The following EDNRB variants were observed in gnomAD, a reference collection of about 807,000 sequenced individuals.
The protein encoded by EDNRB is endothelin receptor type B.
EDNRB carries 18 observed loss-of-function variants against 46.4 expected under a neutral mutation model. The ratio of observed to expected loss-of-function variants is 0.39; its 90% CI spans 0.27 to 0.57. EDNRB has a LOEUF of 0.57. Among genes scored for constraint, EDNRB ranks in the 20% least tolerant of loss-of-function variants. EDNRB has a pLI of 0.61. For missense variants in EDNRB, 434 were observed against 537.5 expected, an observed-to-expected ratio of 0.81 and a Z score of 1.90; for synonymous variants, 213 against 204.9, an observed-to-expected ratio of 1.04 and a Z score of -0.34.
At chr13:77,970,867 G>A (rs1881708906) in intron 1 of EDNRB, among the ~76,000 whole-genome samples, 2 of 152,116 alleles carry the variant, frequency 1.3e-5, no homozygotes, top group African/African-American at 2.4e-5. Flanking sequence ...TATACACTGG[G>A]AACAGCCCTC....
chr13:77,941,627 G>C (rs944494140), intron 1 of EDNRB, among the ~76,000 whole-genome samples: 7 of 152,218 alleles, frequency 4.6e-5, no homozygotes, highest in Admixed American at 3.3e-4. Flanking sequence ...AAATGAGGGG[G>C]CACAGGCCAT....
intron 1 of EDNRB, among the ~76,000 whole-genome samples, chr13:77,908,195 G>A (rs780378939): frequency 2.6e-5 from 4 of 151,634 alleles, no homozygotes; most frequent in Non-Finnish European, 4.4e-5. Context: ...TGGCTTTGGC[G>A]AGACTCTAAA....
At chr13:77,933,735 T>C (rs1200496987) in intron 1 of EDNRB, among the ~76,000 whole-genome samples, 2 of 152,152 alleles carry the variant, frequency 1.3e-5, no homozygotes, top group East Asian at 1.9e-4. Flanking sequence ...ATGGGCGATG[T>C]TTCTCAGGGC....
intron 1 of EDNRB, among the ~76,000 whole-genome samples, chr13:77,904,199 T>G (rs1879154849): frequency 6.6e-6 from 1 of 151,936 alleles, no homozygotes; most frequent in African/African-American, 2.4e-5. Flanking sequence ...CCTAGAAGGC[T>G]CTTTCCCCAC....
At chr13:77,956,729 T>C (rs866730540) in intron 1 of EDNRB, among the ~76,000 whole-genome samples, 7 of 152,352 alleles carry the variant, frequency 4.6e-5, no homozygotes, top group Middle Eastern at 6.8e-3. Flanking sequence ...GAATATTAGT[T>C]GCTTGCCTTT....
chr13:77,919,611 T>C, upstream of EDNRB: 1 of 1,604,902 alleles, frequency 6.2e-7, no homozygotes, highest in African/African-American at 1.3e-5. Flanking sequence ...AGTACTTTTA[T>C]TCATTCATCC....
At chr13:77,944,722 G>A (rs972612686) in intron 1 of EDNRB, 8 of 152,092 alleles carry the variant, frequency 5.3e-5, no homozygotes, top group Admixed American at 2.0e-4. Flanking sequence ...CAGAATGGAG[G>A]GAGTAGTGTT....
intron 1 of EDNRB, among the ~76,000 whole-genome samples, chr13:77,940,753 A>G (rs182174124): frequency 6.6e-6 from 1 of 151,332 alleles, no homozygotes; most frequent in East Asian, 1.9e-4. Context: ...GTCATGATGC[A>G]CAAAGAGCAG....
chr13:77,956,864 C>A (rs924649679), intron 1 of EDNRB, among the ~76,000 whole-genome samples: 5 of 152,164 alleles, frequency 3.3e-5, no homozygotes, highest in Admixed American at 3.3e-4. Context: ...TGCCTATCTT[C>A]TTCTACTCTT....
rs1878674414 is a variant in EDNRB, at chr13:77,897,183, GGC to G, written c.*1015_*1016del. ...TCACAGTCTTTATTATGAGGTCACT[GGC>G]ATCTCTCCATCGTAAAGCTATGAGC... On this transcript the variant is annotated 3_prime_UTR_variant, in exon 7 of 7. Transcript: ENST00000646607. The G allele has an allele frequency of 1.3e-5, 13 of 985,334 alleles. No individual in the cohort carries two copies. Among genetic ancestry groups the G allele is most frequent in the Non-Finnish European group, 1.6e-5 (13 of 829,976 alleles). The allele number at this position is 985,334 out of a possible 1,614,324, so 61.0% of individuals were successfully genotyped here.
In EDNRB at chr13:77,897,622, T is replaced by A. The variant is rs1324278477; in HGVS notation, c.*578A>T. On this transcript the variant is annotated 3_prime_UTR_variant, in exon 7 of 7. Transcript: ENST00000646607. ...TTTTCAAAAACAGCCTTGCTCTTTC[T>A]GTTACTCCCTCCTGATCATTTAAAT... The A allele has an allele frequency of 2.0e-6, 2 of 985,728 alleles. No individual in the cohort carries two copies. The highest frequency in any genetic ancestry group is 2.4e-6 in the Non-Finnish European group (2 of 830,198). The allele number at this position is 985,728 out of a possible 1,614,324, so 61.1% of individuals were successfully genotyped here. A position where few individuals can be genotyped will look rare whatever the true frequency, so the allele number is the denominator to read the frequency against.
At chr13:77,901,588 G>A (rs1234767233) in intron 3 of EDNRB, among the ~76,000 whole-genome samples, 1 of 151,942 alleles carries the variant, frequency 6.6e-6, no homozygotes, top group Non-Finnish European at 1.5e-5. Flanking sequence ...TTTAGATGAA[G>A]TTCTCATTTT....
upstream of EDNRB, among the ~76,000 whole-genome samples, chr13:77,924,589 A>C (rs1325824757): frequency 6.6e-6 from 1 of 152,242 alleles, no homozygotes; most frequent in Non-Finnish European, 1.5e-5. Flanking sequence ...TTAAGTGTAC[A>C]CTTCAATTGT....
intron 1 of EDNRB, among the ~76,000 whole-genome samples, chr13:77,911,210 T>C (rs948766046): frequency 1.3e-5 from 2 of 152,070 alleles, no homozygotes; most frequent in African/African-American, 2.4e-5. Context: ...ACTGGTGATA[T>C]CTGAAGACAC....
intron 1 of EDNRB, among the ~76,000 whole-genome samples, chr13:77,908,047 G>GAC (rs1879378027): frequency 7.7e-6 from 1 of 130,594 alleles, no homozygotes; most frequent in Non-Finnish European, 1.6e-5. Flanking sequence ...AAAAAAAAGA[G>GAC]AGAGAGAGCA....
In EDNRB at chr13:77,898,021, C is replaced by A; in HGVS notation, c.*179G>T. ...ATTCCCACTGATTTTCTTTCCATGC[C>A]GTAAACAGCTCATAAAATGTCATAT... On this transcript the variant is annotated 3_prime_UTR_variant, in exon 7 of 7. Coordinates refer to ENST00000646607, the MANE Select transcript of EDNRB (RefSeq NM_001122659.3). 7.1e-7 allele frequency: 1 copy of A among 1,401,964 alleles called. No homozygotes were observed. Among genetic ancestry groups the A allele is most frequent in the Non-Finnish European group, 9.3e-7 (1 of 1,080,064 alleles). The allele number at this position is 1,401,964 out of a possible 1,614,324, so 86.8% of individuals were successfully genotyped here. A position where few individuals can be genotyped will look rare whatever the true frequency, so the allele number is the denominator to read the frequency against.
chr13:77,925,024 A>T (rs1880194182), intron 1 of EDNRB, among the ~76,000 whole-genome samples: 1 of 152,190 alleles, frequency 6.6e-6, no homozygotes, highest in Admixed American at 6.5e-5. Flanking sequence ...CAGCCTGAAA[A>T]CGGACTAACA....
chr13:77,958,617 G>C (rs2329053), intron 1 of EDNRB, among the ~76,000 whole-genome samples: 1 of 151,924 alleles, frequency 6.6e-6, no homozygotes, highest in African/African-American at 2.4e-5. Flanking sequence ...CTTGGAACCC[G>C]CCTGCCTCAG....
intron 1 of EDNRB, among the ~76,000 whole-genome samples, chr13:77,929,018 A>T (rs907096272): frequency 6.6e-6 from 1 of 152,214 alleles, no homozygotes; most frequent in African/African-American, 2.4e-5. Flanking sequence ...GTCCTATTTA[A>T]ACGTTCATCA....
Sources: allele counts gnomAD v4.1 joint callset (sites outside exome capture counted in the v4.1 genomes callset), GRCh38; gene constraint gnomAD v4.1.1; transcripts MANE v1.5; gene names NCBI Gene and HGNC (gene_info 2026-07-23, HGNC 2026-07-21).